CSNK2A2IP: variants seen among roughly 807,000 people sequenced by gnomAD.
CSNK2A2IP encodes the protein casein kinase II subunit alpha'-interacting protein.
the CSNK2A2IP span, among the ~76,000 whole-genome samples, chr3:88,393,275 C>T: frequency 6.6e-6 from 1 of 152,206 alleles, no homozygotes; most frequent in South Asian, 2.1e-4. Context: ...AAGACTGTTA[C>T]ATTTTTTGAT....
At chr3:88,355,634 C>T in the CSNK2A2IP span, among the ~76,000 whole-genome samples, 6 of 152,214 alleles carry the variant, frequency 3.9e-5, no homozygotes, top group African/African-American at 7.2e-5. Context: ...TTCCATTTAA[C>T]CCATTAATTA....
chr3:88,381,715 A>C, the CSNK2A2IP span, among the ~76,000 whole-genome samples: 1 of 152,202 alleles, frequency 6.6e-6, no homozygotes, highest in Admixed American at 6.5e-5. Context: ...GCAGCGACAC[A>C]ATTTAACGCT....
chr3:88,392,263 T>G, the CSNK2A2IP span, among the ~76,000 whole-genome samples: 1 of 152,146 alleles, frequency 6.6e-6, no homozygotes, highest in Non-Finnish European at 1.5e-5. Flanking sequence ...TAGAATCAAG[T>G]AGGCAGTTGG....
At chr3:88,466,279 T>A in the CSNK2A2IP span, 1 of 1,231,708 alleles carries the variant, frequency 8.1e-7, no homozygotes, top group Non-Finnish European at 1.0e-6. Flanking sequence ...ATCATCATAT[T>A]TTGTCCACCC....
the CSNK2A2IP span, among the ~76,000 whole-genome samples, chr3:88,366,946 C>T: frequency 3.3e-5 from 5 of 152,036 alleles, no homozygotes; most frequent in African/African-American, 9.7e-5. Flanking sequence ...GGGGAAGCCA[C>T]TTATAAAATC....
chr3:88,357,805 A>G, the CSNK2A2IP span, among the ~76,000 whole-genome samples: 1 of 151,382 alleles, frequency 6.6e-6, no homozygotes, highest in Non-Finnish European at 1.5e-5. Flanking sequence ...CCCAGGCTGG[A>G]GTGCAGTGGC....
the CSNK2A2IP span, among the ~76,000 whole-genome samples, chr3:88,440,458 G>A: frequency 6.6e-6 from 1 of 152,086 alleles, no homozygotes; most frequent in African/African-American, 2.4e-5. Context: ...TAGAACTCTG[G>A]CAGATAAAAA....
At chr3:88,410,092 C>A in the CSNK2A2IP span, among the ~76,000 whole-genome samples, 2 of 151,922 alleles carry the variant, frequency 1.3e-5, no homozygotes, top group Admixed American at 6.6e-5. Flanking sequence ...TAGAAAGATT[C>A]CAAATTTTGT....
At chr3:88,351,856 A>G in the CSNK2A2IP span, among the ~76,000 whole-genome samples, 1 of 152,158 alleles carries the variant, frequency 6.6e-6, no homozygotes, top group Admixed American at 6.6e-5. Flanking sequence ...TCATCAAAGG[A>G]AACATTCTTT....
At chr3:88,409,827 T>C in the CSNK2A2IP span, among the ~76,000 whole-genome samples, 1 of 152,112 alleles carries the variant, frequency 6.6e-6, no homozygotes, top group Non-Finnish European at 1.5e-5. Context: ...ATATATGATT[T>C]ATTTTATTGG....
At chr3:88,463,057 G>T in the CSNK2A2IP span, among the ~76,000 whole-genome samples, 12 of 152,144 alleles carry the variant, frequency 7.9e-5, no homozygotes, top group African/African-American at 2.9e-4. Context: ...TTGACATAAA[G>T]AGAAATTTCT....
chr3:88,367,223 T>C, the CSNK2A2IP span, among the ~76,000 whole-genome samples: 4 of 152,066 alleles, frequency 2.6e-5, no homozygotes, highest in East Asian at 5.8e-4. Flanking sequence ...TATACACAAA[T>C]AGAAAACGAA....
the CSNK2A2IP span, among the ~76,000 whole-genome samples, chr3:88,362,143 CT>C: frequency 2.0e-5 from 3 of 151,980 alleles, no homozygotes; most frequent in East Asian, 5.8e-4. Context: ...TTTTTTCTGG[CT>C]GTTCTTGGTG....
At chr3:88,440,268 C>T in the CSNK2A2IP span, among the ~76,000 whole-genome samples, 1 of 152,000 alleles carries the variant, frequency 6.6e-6, no homozygotes, top group African/African-American at 2.4e-5. Flanking sequence ...CTAGAAAATG[C>T]TAAAATTTAG....
the CSNK2A2IP span, among the ~76,000 whole-genome samples, chr3:88,370,927 G>C: frequency 6.6e-6 from 1 of 151,742 alleles, no homozygotes; most frequent in South Asian, 2.1e-4. Flanking sequence ...CGCACATAGA[G>C]AAAAGGCCAG....
the CSNK2A2IP span, among the ~76,000 whole-genome samples, chr3:88,422,012 T>C: frequency 6.6e-6 from 1 of 152,222 alleles, no homozygotes; most frequent in Non-Finnish European, 1.5e-5. Context: ...CTTGTCAAAT[T>C]AGCAAAATAT....
At chr3:88,421,454 T>C in the CSNK2A2IP span, among the ~76,000 whole-genome samples, 20 of 152,294 alleles carry the variant, frequency 1.3e-4, no homozygotes, top group East Asian at 3.7e-3. Flanking sequence ...TCTCACTCTG[T>C]TGCCCAGGCT....
At chr3:88,409,150 G>A in the CSNK2A2IP span, among the ~76,000 whole-genome samples, 1 of 152,092 alleles carries the variant, frequency 6.6e-6, no homozygotes. Context: ...AGTGTCTCAA[G>A]TGGTTTGTGT....
chr3:88,356,376 T>A, the CSNK2A2IP span, among the ~76,000 whole-genome samples: 2 of 152,178 alleles, frequency 1.3e-5, no homozygotes, highest in Non-Finnish European at 2.9e-5. Context: ...CTGGCTTATT[T>A]CACTTAGCAT....
Sources: allele counts gnomAD v4.1 joint callset (sites outside exome capture counted in the v4.1 genomes callset), GRCh38; gene constraint gnomAD v4.1.1; transcripts MANE v1.5; gene names NCBI Gene and HGNC (gene_info 2026-07-23, HGNC 2026-07-21).